Variants in MAP4 observed in about 807,000 individuals in gnomAD.
The protein encoded by MAP4 is microtubule-associated protein 4.
Under a neutral mutation model 170.2 loss-of-function variants are expected in MAP4, and 76 were observed. The ratio of observed to expected loss-of-function variants is 0.45; its 90% CI spans 0.37 to 0.54. The LOEUF (loss-of-function observed/expected upper bound fraction) is 0.54. Ranked by LOEUF, MAP4 falls within the 20% of genes least tolerant of loss-of-function variation. The pLI is 0.00. For missense variants in MAP4, 2,506 were observed against 2,748.0 expected (o/e 0.91, Z 1.97); for synonymous variants, 909 against 994.5 (o/e 0.91, Z 1.62).
rs1368748728 is a variant in MAP4 at position 47,917,303 on chromosome 3, T to G, written c.653-129A>C. On this transcript the variant is annotated intron_variant, in intron 6 of 20. Transcript: ENST00000683076. ...CTGTACACATAACTAAGAATTAATG[T>G]TAGGCCGGGCACAGTGGCTCACGCC... The G allele has an allele frequency of 4.4e-5, 33 of 755,322 alleles. No homozygotes were observed. The East Asian group carries it at 8.0e-4, about 18-fold the overall frequency. 46.8% of individuals were successfully genotyped at this position (755,322 alleles called of 1,614,324 possible).
intron 10 of MAP4, among the ~76,000 whole-genome samples, chr3:47,898,781 C>CA (rs1048884918): frequency 5.3e-5 from 8 of 151,624 alleles, no homozygotes; most frequent in Admixed American, 1.3e-4. Flanking sequence ...CACATCTATA[C>CA]AAAAAAAATA....
At chr3:47,961,443 C>T (rs2100071521) in intron 3 of MAP4, among the ~76,000 whole-genome samples, 1 of 152,206 alleles carries the variant, frequency 6.6e-6, no homozygotes, top group South Asian at 2.1e-4. Context: ...GAGTTTCACC[C>T]TCTGACATAG....
intron 9 of MAP4, among the ~76,000 whole-genome samples, chr3:47,907,350 A>G (rs973858787): frequency 3.9e-5 from 6 of 152,180 alleles, no homozygotes; most frequent in Non-Finnish European, 8.8e-5. Flanking sequence ...AGGGAGGCCA[A>G]CTTACGTTTT....
chr3:47,972,101 T>C (rs1249674385), intron 3 of MAP4, among the ~76,000 whole-genome samples: 1 of 152,234 alleles, frequency 6.6e-6, no homozygotes, highest in Non-Finnish European at 1.5e-5. Context: ...CTAAAATGTC[T>C]GCCAAGCTTA....
rs577152692 is a variant in MAP4 at position 47,856,151 on chromosome 3, C to T, written c.6584-791G>A. On this transcript the variant is annotated intron_variant, in intron 18 of 20. Transcript: ENST00000683076. ...CTCAATGAGTACCCAGCCCCTCCCG[C>T]GCCCAGCAGCGTGGTTTCCCTTGGG... Among the ~76,000 whole-genome samples, 6 of 152,326 alleles carry T rather than the reference C, an allele frequency of 3.9e-5. No homozygotes were observed. In the South Asian group the frequency reaches 6.2e-4, roughly 16 times the overall value.
intron 7 of MAP4, among the ~76,000 whole-genome samples, 190 bp downstream of exon 7, chr3:47,915,761 C>T (rs1248427632): frequency 6.6e-6 from 1 of 152,088 alleles, no homozygotes; most frequent in African/African-American, 2.4e-5. Context: ...AGAGAATGAA[C>T]ATAGAAAAGG....
Position 47,909,942 on chromosome 3 carries a change from G to T in MAP4, c.4479C>A (p.Pro1493=). The change falls in exon 9 of 21, where the codon CCC becomes CCA. Residue 1493 remains proline, a synonymous_variant. Coordinates refer to ENST00000683076, the MANE Select transcript of MAP4 (RefSeq NM_001385682.1). ...AGGGCACAACAGCAGAGGGACCCTT[G>T]GGTCTTTCTTGACCTGGGACTCCAT... ...TKDGVPGQER[P]KGPSAVVPST... 3.1e-6 allele frequency: 5 copies of T among 1,613,968 alleles called. No homozygotes were observed. The highest frequency in any genetic ancestry group is 4.2e-6 in the Non-Finnish European group (5 of 1,179,852).
chr3:47,987,421 G>T, intron 2 of MAP4: 1 of 1,531,322 alleles, frequency 6.5e-7, no homozygotes, highest in Non-Finnish European at 8.7e-7. Context: ...AGGGTGTGGG[G>T]GTAGTGGGAG....
At chr3:48,019,628 T>C (rs1053761007), upstream of MAP4, among the ~76,000 whole-genome samples, 14 of 152,198 alleles carry the variant, frequency 9.2e-5, no homozygotes, top group South Asian at 2.1e-4. Flanking sequence ...TTCATGCCTA[T>C]AATCCCAACA....
chr3:47,902,941 G>A lies in MAP4; in HGVS notation c.5434+9C>T, dbSNP rs1038239549. 1.0e-6 allele frequency: 1 copy of A among 983,772 alleles called. No individual in the cohort carries two copies. Among genetic ancestry groups the A allele is most frequent in the South Asian group, 4.7e-5 (1 of 21,260 alleles). The allele number at this position is 983,772 out of a possible 1,614,324, so 60.9% of individuals were successfully genotyped here. On this transcript the variant is annotated intron_variant, in intron 10 of 20. Transcript: ENST00000683076. ...TTACTTCAAGTTTCACACCAAGAGAGTTTCTCACCATAAACTGACATTCCC... is the reference window on the plus strand; with the variant it reads ...TTACTTCAAGTTTCACACCAAGAGAATTTCTCACCATAAACTGACATTCCC...
intron 1 of MAP4, among the ~76,000 whole-genome samples, chr3:48,054,083 C>A (rs2100129300): frequency 6.6e-6 from 1 of 151,674 alleles, no homozygotes; most frequent in South Asian, 2.1e-4. Context: ...GCAGGCAGAT[C>A]ATGAGGTTAA....
intron 1 of MAP4, among the ~76,000 whole-genome samples, chr3:48,005,370 A>G (rs2100101705): frequency 6.6e-6 from 1 of 152,246 alleles, no homozygotes; most frequent in African/African-American, 2.4e-5. Flanking sequence ...AGAAAAAAAA[A>G]AGAACTGTTC....
chr3:47,911,784 T>C lies in MAP4; in HGVS notation c.2637A>G (p.Glu879=). Residue 879 remains glutamate (E), a synonymous_variant, in exon 9 of 21, where the codon GAA becomes GAG. Coordinates refer to ENST00000683076, the MANE Select transcript of MAP4 (RefSeq NM_001385682.1). The surrounding 1 kb of genome is among the most constrained non-coding windows in gnomAD (Gnocchi z 4.0). ...ISSQSKLRVE[E]ESKSNKSVLQ... is the part of the protein sequence containing the mutation. ...GTACTGACTTGTTACTTTTGCTCTC[T>C]TCCTCTACTCTCAGCTTAGACTGAG... 6.5e-7 allele frequency: 1 copy of C among 1,536,168 alleles called. No homozygotes were observed. Among genetic ancestry groups the C allele is most frequent in the Non-Finnish European group, 8.7e-7 (1 of 1,146,912 alleles).
chr3:47,912,700 T>C (rs1034997462), intron 8 of MAP4, among the ~76,000 whole-genome samples: 9 of 152,350 alleles, frequency 5.9e-5, no homozygotes, highest in Admixed American at 2.0e-4. Context: ...AGTAGCAGGA[T>C]TGAACTTTTA....
chr3:47,902,102 C>T (rs1307970254), intron 10 of MAP4, among the ~76,000 whole-genome samples: 17 of 152,022 alleles, frequency 1.1e-4, no homozygotes, highest in African/African-American at 2.2e-4. Context: ...TGTAGTAAGC[C>T]GTGATCATGC....
At chr3:48,075,570 T>C (rs577430146) in intron 1 of MAP4, among the ~76,000 whole-genome samples, 14 of 151,852 alleles carry the variant, frequency 9.2e-5, no homozygotes, top group Admixed American at 1.3e-4. Context: ...CTGTGGTCAA[T>C]TGACTCAAAA....
intron 11 of MAP4, 49 bp downstream of exon 11, chr3:47,877,367 TC>T (rs767791249): frequency 7.3e-7 from 1 of 1,370,168 alleles, no homozygotes; most frequent in East Asian, 2.3e-5. Context: ...CAGAAGATAC[TC>T]CGTTTAAAAA....
chr3:47,871,142 G>GGA, intron 14 of MAP4, 37 bp from the exon 15 acceptor site: 1 of 1,611,224 alleles, frequency 6.2e-7, no homozygotes, highest in Non-Finnish European at 8.5e-7. Flanking sequence ...ACGGGTTCAG[G>GGA]GAGAGAGAGA....
intron 1 of MAP4, among the ~76,000 whole-genome samples, chr3:48,009,080 G>GT (rs768159750): frequency 3.7e-4 from 57 of 152,122 alleles, no homozygotes; most frequent in Non-Finnish European, 7.5e-4. Flanking sequence ...TTTGTGGAAT[G>GT]TTTTTTTGGT....
Sources: gnomAD v4.1 joint callset for allele counts (sites outside exome capture counted in the v4.1 genomes callset) on GRCh38, gnomAD v4.1.1 for gene constraint, Gnocchi (gnomAD v3.1) non-coding constraint, MANE v1.5 for transcripts, NCBI Gene and HGNC (gene_info 2026-07-23, HGNC 2026-07-21) for gene names.